HLTF: variants seen among roughly 807,000 people sequenced by gnomAD.
HLTF encodes the protein helicase like transcription factor.
A neutral mutation model predicts 129.4 loss-of-function variants in HLTF; 127 were observed. The ratio of observed to expected loss-of-function variants is 0.98; its 90% CI spans 0.85 to 1.14. The LOEUF (loss-of-function observed/expected upper bound fraction) is 1.14. Among genes scored for constraint, HLTF ranks in the 50% most tolerant of loss-of-function variants. HLTF has a pLI of 0.00. For synonymous variants in HLTF, 332 were observed against 388.8 expected, an observed-to-expected ratio of 0.85 and a Z score of 1.72; for missense variants, 1,139 against 1,187.1, an observed-to-expected ratio of 0.96 and a Z score of 0.60.
intron 8 of HLTF, among the ~76,000 whole-genome samples, chr3:149,067,529 G>T (rs1164840736): frequency 6.6e-6 from 1 of 151,860 alleles, no homozygotes; most frequent in African/African-American, 2.4e-5. Context: ...TAGAGACAGG[G>T]TCTCACAGTG....
At position 149,040,113 on chromosome 3, in the gene HLTF, T is replaced by A; in HGVS notation, c.2420A>T (p.Asp807Val). ...TTCTGGAGGACATTCTAATAAATTA[T>A]CTTCATGTATATCATTTCTGCATAA... The part of the protein sequence containing the change: ...CPLCRNDIHE[D>V]NLLECPPEEL... Residue 807 changes from aspartate to valine, a missense_variant, in exon 21 of 25, where the codon GAT becomes GTT. Transcript: ENST00000310053. 1 of 1,609,908 alleles carries A rather than the reference T, an allele frequency of 6.2e-7. No individual in the cohort carries two copies. Among genetic ancestry groups the A allele is most frequent in the Admixed American group, 1.7e-5 (1 of 59,866 alleles).
At chr3:149,062,501 C>T (rs572978658) in intron 10 of HLTF, among the ~76,000 whole-genome samples, 4 of 152,250 alleles carry the variant, frequency 2.6e-5, no homozygotes, top group African/African-American at 4.8e-5. Flanking sequence ...GACAAATTTG[C>T]GATGACTTGT....
intron 10 of HLTF, among the ~76,000 whole-genome samples, chr3:149,062,874 G>A (rs560549088): frequency 6.6e-6 from 1 of 152,212 alleles, no homozygotes; most frequent in Admixed American, 6.5e-5. Context: ...AAAAGTAGTA[G>A]AAAGATGAGT....
chr3:149,085,584 G>T (rs1051428592), intron 1 of HLTF, among the ~76,000 whole-genome samples: 1 of 151,870 alleles, frequency 6.6e-6, no homozygotes, highest in Admixed American at 6.6e-5. Context: ...TAATGTACCA[G>T]AAGTTGTTTA....
chr3:149,068,158 G>T, intron 8 of HLTF, 82 bp downstream of exon 8: 1 of 607,446 alleles, frequency 1.6e-6, no homozygotes, highest in Non-Finnish European at 2.9e-6. Flanking sequence ...ACAATTTCTT[G>T]GTAGTTTTTT....
chr3:149,049,165 T>A (rs1716787270), intron 15 of HLTF, among the ~76,000 whole-genome samples, 164 bp from the exon 16 acceptor site: 1 of 152,222 alleles, frequency 6.6e-6, no homozygotes, highest in Non-Finnish European at 1.5e-5. Flanking sequence ...GTTTATAAAA[T>A]AAGTACTTAT....
intron 14 of HLTF, among the ~76,000 whole-genome samples, chr3:149,051,001 A>G (rs1716934227): frequency 6.6e-6 from 1 of 152,146 alleles, no homozygotes; most frequent in Non-Finnish European, 1.5e-5. Context: ...AAAAGAGAAG[A>G]TACCAGGGAG....
At chr3:149,057,929 A>C (rs879421709) in intron 13 of HLTF, among the ~76,000 whole-genome samples, 29 of 152,318 alleles carry the variant, frequency 1.9e-4, no homozygotes, top group Admixed American at 1.9e-3. Context: ...ACAGAGTTAC[A>C]GATGGTCTAT....
intron 23 of HLTF, among the ~76,000 whole-genome samples, chr3:149,035,827 T>C (rs569877150): frequency 9.2e-5 from 14 of 152,170 alleles, no homozygotes; most frequent in African/African-American, 2.9e-4. Flanking sequence ...TCATGAGAAC[T>C]GTTTTAAGCT....
intron 10 of HLTF, among the ~76,000 whole-genome samples, chr3:149,062,659 A>G (rs1161029188): frequency 6.6e-6 from 1 of 152,224 alleles, no homozygotes; most frequent in Non-Finnish European, 1.5e-5. Context: ...GTCTATGTTA[A>G]TATAATACTG....
Position 149,064,846 on chromosome 3 carries a change from G to A in HLTF, c.1011C>T (p.Asp337=). 1 of 1,595,146 alleles carries A rather than the reference G, an allele frequency of 6.3e-7. No individual in the cohort carries two copies. ...TATTGTTTCCTCCAAGTTTCATAGA[G>A]TCATCGTTAACATTATATTCCTGGG... The part of the protein sequence containing the change: ...LLKKEYNVND[D]SMKLGGNNTS... The change falls in exon 9 of 25, where the codon GAC becomes GAT. Residue 337 remains aspartate (D), a synonymous_variant. Coordinates refer to ENST00000310053, the MANE Select transcript of HLTF (RefSeq NM_003071.4).
At chr3:149,036,297 G>GTTTT (rs71135656) in intron 23 of HLTF, among the ~76,000 whole-genome samples, 1 of 107,970 alleles carries the variant, frequency 9.3e-6, no homozygotes, top group Non-Finnish European at 1.8e-5. Flanking sequence ...AAACTATGAG[G>GTTTT]TTTTTTTTTT....
chr3:149,051,784 C>A (rs1717021710), intron 14 of HLTF, among the ~76,000 whole-genome samples: 1 of 152,074 alleles, frequency 6.6e-6, no homozygotes, highest in Non-Finnish European at 1.5e-5. Flanking sequence ...GCATGAGAAT[C>A]ACTTGAACCC....
At chr3:149,034,014 A>T (rs1246975508) in intron 24 of HLTF, among the ~76,000 whole-genome samples, 1 of 152,184 alleles carries the variant, frequency 6.6e-6, no homozygotes, top group African/African-American at 2.4e-5. Flanking sequence ...TATACTATAA[A>T]ACTATTTGTA....
Position 149,039,572 on chromosome 3 carries a change from G to A in HLTF, c.2615+9C>T. 8.0e-7 allele frequency: 1 copy of A among 1,252,348 alleles called. No individual in the cohort carries two copies. The highest frequency in any genetic ancestry group is 1.1e-6 in the Non-Finnish European group (1 of 871,828). The allele number at this position is 1,252,348 out of a possible 1,614,324, so 77.6% of individuals were successfully genotyped here. On this transcript the variant is annotated intron_variant, in intron 22 of 24. Coordinates refer to ENST00000310053, the MANE Select transcript of HLTF (RefSeq NM_003071.4). The stretch of plus-strand genomic sequence containing the variant: ...TTTTACTGAAAGTGAAAAACACTGT[G>A]GAACTTACTTAAGTGGTATTTCTAT...
At chr3:149,040,200 A>G (rs895393380) in intron 20 of HLTF, 44 bp from the exon 21 acceptor site, 1 of 1,559,102 alleles carries the variant, frequency 6.4e-7, no homozygotes, top group Non-Finnish European at 8.6e-7. Flanking sequence ...TAACAGAAGA[A>G]CAAATATAAA....
chr3:149,036,297 G>GTTT (rs71135656), intron 23 of HLTF, among the ~76,000 whole-genome samples: 1 of 107,986 alleles, frequency 9.3e-6, no homozygotes, highest in Non-Finnish European at 1.8e-5. Context: ...AAACTATGAG[G>GTTT]TTTTTTTTTT....
intron 20 of HLTF, 192 bp from the exon 21 acceptor site, chr3:149,040,348 C>A: frequency 2.0e-6 from 1 of 509,636 alleles, no homozygotes; most frequent in Non-Finnish European, 3.4e-6. Flanking sequence ...GTAAGTAGAA[C>A]GGATAAAGGA....
At chr3:149,044,751 G>A (rs1391741990) in intron 18 of HLTF, among the ~76,000 whole-genome samples, 2 of 152,074 alleles carry the variant, frequency 1.3e-5, no homozygotes, top group Non-Finnish European at 2.9e-5. Flanking sequence ...CAGGTAAAAA[G>A]GCTTGAAGTT....
Sources: allele counts gnomAD v4.1 joint callset (sites outside exome capture counted in the v4.1 genomes callset), GRCh38; gene constraint gnomAD v4.1.1; transcripts MANE v1.5; gene names NCBI Gene and HGNC (gene_info 2026-07-23, HGNC 2026-07-21).